UBXN2A: variants seen among roughly 807,000 people sequenced by gnomAD.
UBXN2A encodes the protein UBX domain protein 2A.
Under a neutral mutation model 28.4 loss-of-function variants are expected in UBXN2A, and 28 were observed. The ratio of observed to expected loss-of-function variants is 0.99; its 90% confidence interval spans 0.73 to 1.35. UBXN2A has a LOEUF of 1.35. UBXN2A is among the 40% of genes most tolerant of loss of function. The probability of loss-of-function intolerance (pLI) is 0.00; values close to 1 mark genes in which losing one functional copy is unlikely to be tolerated. For synonymous variants in UBXN2A, 97 were observed against 103.6 expected (o/e 0.94, Z 0.39); for missense variants, 253 against 297.9 (o/e 0.85, Z 1.11).
intron 3 of UBXN2A, among the ~76,000 whole-genome samples, chr2:23,975,832 G>T (rs977729024): frequency 6.6e-6 from 1 of 151,988 alleles, no homozygotes; most frequent in Non-Finnish European, 1.5e-5. Flanking sequence ...CTCCATGTTG[G>T]TCAGGCTGGT....
chr2:23,956,222 T>C (rs1255980499), intron 1 of UBXN2A, among the ~76,000 whole-genome samples: 3 of 152,194 alleles, frequency 2.0e-5, no homozygotes, highest in African/African-American at 7.2e-5. Flanking sequence ...ATTTTTGTTT[T>C]ATTCAATGGA....
chr2:23,976,963 T>C lies in UBXN2A; in HGVS notation c.181-6T>C, dbSNP rs1707691311. ...ATGACGCATTTTGTTTCCTACTGTT[T>C]TGCAGGTAGATGTAAATATAAAATT... On this transcript the variant is annotated splice_polypyrimidine_tract_variant and splice_region_variant and intron_variant, in intron 3 of 6. Coordinates refer to ENST00000309033, the MANE Select transcript of UBXN2A (RefSeq NM_181713.4). The C allele has an allele frequency of 1.2e-6, 2 of 1,603,064 alleles. No individual in the cohort carries two copies. The highest frequency in any genetic ancestry group is 1.7e-6 in the Non-Finnish European group (2 of 1,170,692).
chr2:23,931,417 A>T (rs1413954025), intron 1 of UBXN2A, among the ~76,000 whole-genome samples: 1 of 152,044 alleles, frequency 6.6e-6, no homozygotes, highest in African/African-American at 2.4e-5. Context: ...CTGCACTCCA[A>T]CCTGGGCAAC....
rs1466201765 is a variant in UBXN2A at position 23,996,602 on chromosome 2, A to T, written c.585-3070A>T. 6.1e-5 allele frequency among the ~76,000 whole-genome samples: 9 copies of T among 147,722 alleles called. No individual in the cohort carries two copies. In the East Asian group the frequency reaches 1.8e-3, roughly 30 times the overall value. ...AGAGATTCTCCTGCCTCAGCCTCCC[A>T]AGTAGCTGGAACTACAGGCGCCTGC... On this transcript the variant is annotated intron_variant, in intron 6 of 6. Coordinates refer to ENST00000309033, the MANE Select transcript of UBXN2A (RefSeq NM_181713.4).
chr2:23,999,010 G>C (rs1708646951), intron 6 of UBXN2A, among the ~76,000 whole-genome samples: 1 of 152,124 alleles, frequency 6.6e-6, no homozygotes, highest in Non-Finnish European at 1.5e-5. Flanking sequence ...GTACCCAAAT[G>C]AATACACAGG....
intron 2 of UBXN2A, among the ~76,000 whole-genome samples, chr2:23,959,960 T>G (rs992693705): frequency 6.6e-6 from 1 of 152,024 alleles, no homozygotes; most frequent in Non-Finnish European, 1.5e-5. Flanking sequence ...GAAATCCAAG[T>G]TTGCAGGTGC....
intron 4 of UBXN2A, 36 bp downstream of exon 4, chr2:23,977,111 C>T (rs367803583): frequency 6.4e-7 from 1 of 1,554,726 alleles, no homozygotes; most frequent in African/African-American, 1.4e-5. Context: ...AGCCTGTAAA[C>T]CCAAAACTTT....
chr2:23,947,224 G>C (rs1706131586), intron 1 of UBXN2A, among the ~76,000 whole-genome samples: 1 of 152,122 alleles, frequency 6.6e-6, no homozygotes, highest in Non-Finnish European at 1.5e-5. Flanking sequence ...ATTCTTAGTA[G>C]TCCAAATCTA....
chr2:23,973,179 C>T (rs1707491843), intron 3 of UBXN2A, among the ~76,000 whole-genome samples: 1 of 151,686 alleles, frequency 6.6e-6, no homozygotes, highest in Non-Finnish European at 1.5e-5. Flanking sequence ...ACCACCATGC[C>T]TAGCTAATTT....
intron 6 of UBXN2A, among the ~76,000 whole-genome samples, chr2:23,998,613 G>A (rs1708629843): frequency 6.6e-6 from 1 of 152,156 alleles, no homozygotes; most frequent in African/African-American, 2.4e-5. Flanking sequence ...CCAGCTACTA[G>A]GGAGGCTGAG....
intron 1 of UBXN2A, among the ~76,000 whole-genome samples, 179 bp downstream of exon 1, chr2:23,940,827 G>T (rs1705716673): frequency 6.6e-6 from 1 of 151,960 alleles, no homozygotes; most frequent in African/African-American, 2.4e-5. Context: ...GCCGGCGGCG[G>T]AGCCCGAGCC....
intron 2 of UBXN2A, among the ~76,000 whole-genome samples, chr2:23,967,506 A>G (rs1371525523): frequency 6.6e-6 from 1 of 152,198 alleles, no homozygotes; most frequent in South Asian, 2.1e-4. Context: ...AGGCTTTTAT[A>G]TATATTTTCA....
chr2:23,931,898 C>G (rs1284477448), intron 1 of UBXN2A, among the ~76,000 whole-genome samples: 3 of 152,022 alleles, frequency 2.0e-5, no homozygotes, highest in Non-Finnish European at 4.4e-5. Context: ...GTAATCCCAG[C>G]TACTCAGGAG....
intron 6 of UBXN2A, among the ~76,000 whole-genome samples, chr2:23,992,499 T>C (rs1708390324): frequency 6.6e-6 from 1 of 152,222 alleles, no homozygotes. Context: ...TCCTTTCCTC[T>C]GGGTATACGA....
At chr2:23,999,581 A>G (rs1384844758) in intron 6 of UBXN2A, 91 bp from the exon 7 acceptor site, 1 of 1,355,666 alleles carries the variant, frequency 7.4e-7, no homozygotes, top group Non-Finnish European at 1.0e-6. Flanking sequence ...TAATAATAAC[A>G]TATCCAGATA....
At chr2:23,968,920 G>GTC (rs1707288679) in intron 2 of UBXN2A, 1 of 136,904 alleles carries the variant, frequency 7.3e-6, no homozygotes, top group Non-Finnish European at 1.5e-5. Context: ...TTGAGACAGA[G>GTC]TCTCTCTCTG....
At position 23,930,905 on chromosome 2, in the gene UBXN2A, G is replaced by A. The variant is rs139012148; in HGVS notation, c.-138+3290G>A. On this transcript the variant is annotated intron_variant, in intron 1 of 7. Coordinates refer to the UBXN2A transcript ENST00000404924. ...AAGGAGGCCAGGCACAGTGGCTCAC[G>A]CCTGTAATTCCAGTGCTTTGGGAGG... Among the ~76,000 whole-genome samples the A allele has an allele frequency of 3.3e-5, 5 of 152,106 alleles. No individual in the cohort carries two copies. In the East Asian group the frequency reaches 9.6e-4, roughly 29 times the overall value.
At chr2:23,973,789 CGCCTA>C (rs1707527079) in intron 3 of UBXN2A, among the ~76,000 whole-genome samples, 1 of 151,832 alleles carries the variant, frequency 6.6e-6, no homozygotes, top group Non-Finnish European at 1.5e-5. Context: ...TGCACCACCA[CGCCTA>C]GCTAATTTTT....
chr2:23,979,515 A>G (rs968409678), intron 4 of UBXN2A, among the ~76,000 whole-genome samples: 3 of 152,184 alleles, frequency 2.0e-5, no homozygotes, highest in Non-Finnish European at 4.4e-5. Flanking sequence ...ATATTTGAAT[A>G]TATCTGAGTA....
Sources: gnomAD v4.1 joint callset for allele counts (sites outside exome capture counted in the v4.1 genomes callset) on GRCh38, gnomAD v4.1.1 for gene constraint, MANE v1.5 for transcripts, NCBI Gene and HGNC (gene_info 2026-07-23, HGNC 2026-07-21) for gene names.